The following ZNF157 variants were observed in gnomAD, a reference collection of about 807,000 sequenced individuals.
The protein encoded by ZNF157 is zinc finger protein 157.
In ZNF157, 8 loss-of-function variants were observed where a neutral mutation model predicts 9.4. The ratio of observed to expected loss-of-function variants is 0.85; its 90% CI spans 0.50 to 1.53. The LOEUF is 1.53. ZNF157 is among the 40% of genes most tolerant of loss of function. The pLI is 0.00. For synonymous variants in ZNF157, 120 were observed against 130.8 expected (o/e 0.92, Z 0.56); for missense variants, 316 against 385.2 (o/e 0.82, Z 1.50).
intron 1 of ZNF157, among the ~76,000 whole-genome samples, chrX:47,388,305 A>G (rs184448386): frequency 9.2e-6 from 1 of 109,040 alleles, no homozygotes; most frequent in Non-Finnish European, 1.9e-5. Context: ...GCTGGTCCTG[A>G]ACTCCTGAGC....
At chrX:47,404,447 G>A (rs1312229487) in intron 1 of ZNF157, among the ~76,000 whole-genome samples, 1 of 110,391 alleles carries the variant, frequency 9.1e-6, no homozygotes, top group African/African-American at 3.3e-5. Flanking sequence ...TTACAGGCTT[G>A]AGCCACCGCA....
At position 47,412,949 on chromosome X, in the gene ZNF157, C is replaced by T. The variant is rs763597057; in HGVS notation, c.876C>T (p.His292=). The change falls in exon 4 of 4, where the codon CAC becomes CAT. Residue 292 remains histidine (H), a synonymous_variant. Transcript: ENST00000377073. ...TFRVKISLTQ[H]HRTHTGEKPY... is the part of the protein sequence containing the mutation. Reference sequence around the variant, plus strand: ...GTGTAAAGATATCCCTTACCCAACACCACAGAACTCATACAGGGGAGAAAC... The same window carrying T: ...GTGTAAAGATATCCCTTACCCAACATCACAGAACTCATACAGGGGAGAAAC... 7 of 1,210,467 alleles carry T rather than the reference C, an allele frequency of 5.8e-6. No homozygotes were observed. Among genetic ancestry groups the T allele is most frequent in the Non-Finnish European group, 6.7e-6 (6 of 894,912 alleles).
Position 47,388,884 on chromosome X carries a change from G to C in ZNF157, c.72+18144G>C, listed in dbSNP as rs2055888210. On this transcript the variant is annotated intron_variant, in intron 1 of 3. Coordinates refer to ENST00000377073, the MANE Select transcript of ZNF157 (RefSeq NM_003446.4). ...CCTCTTTTGTCCAGCCTGGAGTGCA[G>C]TGGTGCGATCTCAGCTCACTGAAAC... is the stretch of plus-strand genomic sequence containing the variant. The C allele has an allele frequency of 3.6e-5, 4 of 111,978 alleles. No individual in the cohort carries two copies. In the Admixed American group the frequency reaches 3.8e-4, roughly 11 times the overall value. 9.2% of individuals were successfully genotyped at this position (111,978 alleles called of 1,213,427 possible).
Position 47,413,764 on chromosome X carries a change from T to C in ZNF157, c.*170T>C, listed in dbSNP as rs1202873625. On this transcript the variant is annotated 3_prime_UTR_variant, in exon 4 of 4. Transcript: ENST00000377073. ...TTCCCTAATTAGTGGTGTGTGAACA[T>C]CTTATCTGTTGATTGGCTATTTGGG... 2.5e-6 allele frequency: 2 copies of C among 808,349 alleles called. No individual in the cohort carries two copies. Among genetic ancestry groups the C allele is most frequent in the African/African-American group, 4.1e-5 (2 of 48,278 alleles). 66.6% of individuals were successfully genotyped at this position (808,349 alleles called of 1,213,427 possible). A position where few individuals can be genotyped will look rare whatever the true frequency, so the allele number is the denominator to read the frequency against.
chrX:47,410,281 C>T lies in ZNF157; in HGVS notation c.78C>T (p.Ser26=), dbSNP rs6651659. Reference sequence around the variant, plus strand: ...ATTGGAGATTGTTATTACAGGGGTCCGTGTCATTCGAGGATGTGGCTGTGG... The same window carrying T: ...ATTGGAGATTGTTATTACAGGGGTCTGTGTCATTCGAGGATGTGGCTGTGG... The part of the protein sequence containing the change: ...PGEPGRSFEG[S]VSFEDVAVDF... Residue 26 remains serine (S), a synonymous_variant, in exon 2 of 4, where the codon TCC becomes TCT. Coordinates refer to ENST00000377073, the MANE Select transcript of ZNF157 (RefSeq NM_003446.4). The T allele has an allele frequency of 4.5e-3, 5,388 of 1,208,801 alleles. 144 individuals are homozygous for T. The African/African-American group carries it at 0.082, about 18-fold the overall frequency.
chrX:47,379,724 CT>C (rs200985634), intron 1 of ZNF157, among the ~76,000 whole-genome samples: 15,942 of 62,296 alleles, frequency 0.26, 1,293 homozygotes, highest in East Asian at 0.35. Flanking sequence ...TGTCTAGATG[CT>C]TTTTTTTTTT....
intron 1 of ZNF157, among the ~76,000 whole-genome samples, chrX:47,382,320 C>T (rs6608714): frequency 0.34 from 27,486 of 80,772 alleles, 4,638 homozygotes; most frequent in African/African-American, 0.47. Flanking sequence ...GACGCAGTCT[C>T]GCTCTGTTGC....
intron 1 of ZNF157, among the ~76,000 whole-genome samples, chrX:47,387,886 C>CAAAAA (rs781763726): frequency 1.2e-4 from 4 of 34,535 alleles, no homozygotes; most frequent in Non-Finnish European, 1.9e-4. Flanking sequence ...GACTCTGTCT[C>CAAAAA]AAAAAAAAAA....
chrX:47,404,653 T>C (rs1159146247), intron 1 of ZNF157, among the ~76,000 whole-genome samples: 1 of 111,186 alleles, frequency 9.0e-6, no homozygotes, highest in East Asian at 2.8e-4. Flanking sequence ...TATAAATGAG[T>C]GACTGAATAT....
intron 1 of ZNF157, among the ~76,000 whole-genome samples, chrX:47,380,603 A>C (rs1244926359): frequency 9.0e-6 from 1 of 110,952 alleles, no homozygotes; most frequent in Non-Finnish European, 1.9e-5. Flanking sequence ...ATCGTAGTGC[A>C]CATGTCTTGA....
At chrX:47,374,313 A>G (rs1271796886) in intron 1 of ZNF157, among the ~76,000 whole-genome samples, 3 of 109,195 alleles carry the variant, frequency 2.7e-5, no homozygotes, top group African/African-American at 1.0e-4. Flanking sequence ...TTGTATTTCT[A>G]CTCCTACACA....
chrX:47,405,939 T>C (rs1025796549), intron 1 of ZNF157, among the ~76,000 whole-genome samples: 1 of 110,456 alleles, frequency 9.1e-6, no homozygotes, highest in Non-Finnish European at 1.9e-5. Context: ...ACTTCAAAGA[T>C]TTTGGTGCAC....
intron 2 of ZNF157, 106 bp downstream of exon 2, chrX:47,410,508 G>A: frequency 9.5e-7 from 1 of 1,057,441 alleles, no homozygotes; most frequent in Non-Finnish European, 1.3e-6. Flanking sequence ...AGTCACAGAT[G>A]AGTAATCAGT....
At chrX:47,399,395 C>G (rs763960751) in intron 1 of ZNF157, among the ~76,000 whole-genome samples, 1 of 111,736 alleles carries the variant, frequency 8.9e-6, no homozygotes, top group Non-Finnish European at 1.9e-5. Flanking sequence ...CAGATTCTTG[C>G]TAAGGATCAT....
intron 1 of ZNF157, among the ~76,000 whole-genome samples, chrX:47,382,579 G>C (rs1196421838): frequency 9.3e-6 from 1 of 107,496 alleles, no homozygotes; most frequent in East Asian, 2.9e-4. Flanking sequence ...GGCAAATTGC[G>C]AGGGAGGCAT....
chrX:47,379,526 T>C (rs1040023384), intron 1 of ZNF157, among the ~76,000 whole-genome samples: 7 of 104,823 alleles, frequency 6.7e-5, no homozygotes, highest in Non-Finnish European at 9.7e-5. Context: ...GTTCAAGCAA[T>C]TCTGCCTCAG....
At chrX:47,410,463 CAT>C (rs2055961084) in intron 2 of ZNF157, 61 bp downstream of exon 2, 4 of 1,168,917 alleles carry the variant, frequency 3.4e-6, no homozygotes, top group Non-Finnish European at 4.6e-6. Context: ...GTTGCTGTAA[CAT>C]GTGCAGCCTT....
At chrX:47,399,422 C>T (rs1250502954) in intron 1 of ZNF157, among the ~76,000 whole-genome samples, 1 of 111,706 alleles carries the variant, frequency 9.0e-6, no homozygotes, top group Non-Finnish European at 1.9e-5. Flanking sequence ...TTCCAGCACC[C>T]ACAGTTGTAG....
intron 1 of ZNF157, among the ~76,000 whole-genome samples, chrX:47,390,638 G>A (rs989423181): frequency 8.9e-6 from 1 of 112,833 alleles, no homozygotes; most frequent in African/African-American, 3.2e-5. Flanking sequence ...CTGGGAGGTG[G>A]AGGTTGCAGT....
Sources: allele counts gnomAD v4.1 joint callset (sites outside exome capture counted in the v4.1 genomes callset), GRCh38; gene constraint gnomAD v4.1.1; transcripts MANE v1.5; gene names NCBI Gene and HGNC (gene_info 2026-07-23, HGNC 2026-07-21).